The following CD5 variants were observed in gnomAD, a reference collection of about 807,000 sequenced individuals.
CD5 encodes the protein CD5 molecule, also known as T-cell surface glycoprotein CD5.
Under a neutral mutation model 60.3 loss-of-function variants are expected in CD5, and 36 were observed. That is an observed-to-expected ratio of 0.60 (90% confidence interval 0.46 to 0.79). The LOEUF is 0.79. Among genes scored for constraint, CD5 ranks in the 30% least tolerant of loss-of-function variants. CD5 has a pLI of 0.00. For synonymous variants in CD5, 230 were observed against 257.6 expected (o/e 0.89, Z 1.03); for missense variants, 540 against 630.6 (o/e 0.86, Z 1.54).
chr11:61,095,750 A>C, the CD5 span, among the ~76,000 whole-genome samples: 1 of 152,220 alleles, frequency 6.6e-6, no homozygotes, highest in Non-Finnish European at 1.5e-5. Context: ...AAAAGGCTAC[A>C]AATGTAAATA....
chr11:61,118,597 A>C lies in CD5; in HGVS notation c.400+117A>C, dbSNP rs1347524478. 2.9e-6 allele frequency: 3 copies of C among 1,017,004 alleles called. No homozygotes were observed. The highest frequency in any genetic ancestry group is 4.9e-5 in the East Asian group (2 of 40,690). 63.0% of individuals were successfully genotyped at this position (1,017,004 alleles called of 1,614,324 possible). A position where few individuals can be genotyped will look rare whatever the true frequency, so the allele number is the denominator to read the frequency against. ...CTGGTGGAAGGGGTGGGGGGACCCC[A>C]GTTTATAACCACTCCCCAAGACACA... is the stretch of plus-strand genomic sequence containing the variant. On this transcript the variant is annotated intron_variant, in intron 3 of 10. Transcript: ENST00000347785. The surrounding 1 kb of genome is among the most constrained non-coding windows in gnomAD (Gnocchi z 4.7).
chr11:61,106,194 A>G (rs1441503453), intron 1 of CD5, among the ~76,000 whole-genome samples: 1 of 151,908 alleles, frequency 6.6e-6, no homozygotes, highest in Non-Finnish European at 1.5e-5. Context: ...AATGAGGAGA[A>G]CAGCAAGTTC....
At chr11:61,100,975 C>T (rs372277323), upstream of CD5, among the ~76,000 whole-genome samples, 1 of 124,618 alleles carries the variant, frequency 8.0e-6, no homozygotes. Flanking sequence ...AGATCACATT[C>T]ACACACATCA....
intron 1 of CD5, among the ~76,000 whole-genome samples, chr11:61,106,020 G>A (rs911068686): frequency 6.6e-6 from 1 of 151,526 alleles, no homozygotes; most frequent in East Asian, 1.9e-4. Context: ...AGCTACTCAG[G>A]AGGCTGAGGC....
At chr11:61,109,743 G>T (rs1860825847) in intron 1 of CD5, among the ~76,000 whole-genome samples, 2 of 152,152 alleles carry the variant, frequency 1.3e-5, no homozygotes, top group Admixed American at 1.3e-4. Flanking sequence ...AGCTCCAGGG[G>T]TGTGATAAGC....
chr11:61,099,804 G>A (rs1860635274), upstream of CD5, among the ~76,000 whole-genome samples: 2 of 146,182 alleles, frequency 1.4e-5, no homozygotes, highest in Non-Finnish European at 3.0e-5. Context: ...ATCAAATGGG[G>A]ATTACACACA....
At chr11:61,094,544 T>G in the CD5 span, among the ~76,000 whole-genome samples, 2 of 152,170 alleles carry the variant, frequency 1.3e-5, no homozygotes, top group East Asian at 3.9e-4. Flanking sequence ...TTGACTTGTC[T>G]TGGATTGCTT....
At chr11:61,123,812 T>TCCCC in intron 7 of CD5, 72 bp from the exon 8 acceptor site, 1 of 339,966 alleles carries the variant, frequency 2.9e-6, no homozygotes, top group Non-Finnish European at 5.5e-6. Flanking sequence ...CCCAGCCCCA[T>TCCCC]CCCCACCCCT....
rs185950945 is a variant in CD5, at chr11:61,118,502, C to A, written c.400+22C>A. 3.9e-4 allele frequency: 621 copies of A among 1,606,620 alleles called. 8 individuals carry two copies. The African/African-American group carries it at 6.7e-3, about 17-fold the overall frequency. ...TTAGGTGGGTAACTAGCCAGCCACA[C>A]GGGCACCCTGGGCCTGGGCGCCAGC... On this transcript the variant is annotated intron_variant, in intron 3 of 10. Coordinates refer to ENST00000347785, the MANE Select transcript of CD5 (RefSeq NM_014207.4). This position sits in a 1 kb window ranked among gnomAD's most constrained non-coding sequence, Gnocchi z 4.7.
At chr11:61,105,415 G>A (rs76496487) in intron 1 of CD5, among the ~76,000 whole-genome samples, 4,183 of 152,256 alleles carry the variant, frequency 0.027, 128 homozygotes, top group African/African-American at 0.075. Flanking sequence ...TTTCTCATCC[G>A]TAAACTGGGT....
At chr11:61,122,854 C>T in intron 6 of CD5, 53 bp from the exon 7 acceptor site, 1 of 1,539,320 alleles carries the variant, frequency 6.5e-7, no homozygotes, top group East Asian at 2.3e-5. Context: ...TTCCCTCCCA[C>T]AGTTTTTCTC....
chr11:61,121,683 A>AG lies in CD5; in HGVS notation c.883dup (p.Ala295GlyfsTer8). On this transcript the variant is annotated frameshift_variant, in exon 6 of 11. Transcript: ENST00000347785. LOFTEE classifies it high-confidence loss of function. ...TGTGAAGGCACCGTGGAGGTGCGCCAGGGGGCTCAGTGGGCAGCCCTGTGT... is the reference window on the plus strand; with the variant it reads ...TGTGAAGGCACCGTGGAGGTGCGCCAGGGGGGCTCAGTGGGCAGCCCTGTGT... 6.3e-7 allele frequency: 1 copy of AG among 1,593,014 alleles called. No homozygotes were observed.
intron 7 of CD5, 73 bp from the exon 8 acceptor site, chr11:61,123,811 A>AAACC: frequency 1.9e-5 from 5 of 262,106 alleles, no homozygotes; most frequent in Non-Finnish European, 3.6e-5. Flanking sequence ...GCCCAGCCCC[A>AAACC]TCCCCACCCC....
At chr11:61,116,668 A>C (rs1590771396) in intron 2 of CD5, among the ~76,000 whole-genome samples, 2 of 6,096 alleles carry the variant, frequency 3.3e-4, no homozygotes, top group Non-Finnish European at 3.6e-4. Flanking sequence ...CACACACACC[A>C]CACACACACA....
the CD5 span, among the ~76,000 whole-genome samples, chr11:61,095,950 C>T: frequency 1.0e-3 from 159 of 152,256 alleles, no homozygotes; most frequent in African/African-American, 3.6e-3. Flanking sequence ...GCTGGGTTTG[C>T]GGGTATGAAT....
intron 8 of CD5, among the ~76,000 whole-genome samples, chr11:61,124,144 G>A (rs561601385): frequency 1.1e-4 from 17 of 152,194 alleles, no homozygotes; most frequent in African/African-American, 3.9e-4. Flanking sequence ...ATGGCTGAGC[G>A]GTTTCTACCG....
chr11:61,102,649 C>G, intron 1 of CD5, 34 bp downstream of exon 1: 1 of 1,534,184 alleles, frequency 6.5e-7, no homozygotes. Context: ...TGCGAACACC[C>G]GGGCTCGCTC....
In CD5 at chr11:61,121,852, G is replaced by T; in HGVS notation, c.1047G>T (p.Gln349His). ...TCTGTCCCCATCAGAAGCTGTCCCA[G>T]TGCCACGAACTTTGGGAGAGAAATT... ...GLFCPHQKLSQCHELWERNSY... is the reference protein window; with the variant it reads ...GLFCPHQKLSHCHELWERNSY... The change falls in exon 6 of 11, where the codon CAG becomes CAT. Residue 349 changes from glutamine (Q) to histidine (H), a missense_variant. Coordinates refer to ENST00000347785, the MANE Select transcript of CD5 (RefSeq NM_014207.4). The T allele has an allele frequency of 6.3e-7, 1 of 1,576,688 alleles. No homozygotes were observed. The highest frequency in any genetic ancestry group is 1.4e-5 in the African/African-American group (1 of 74,026).
intron 6 of CD5, among the ~76,000 whole-genome samples, chr11:61,122,409 GGATGGATGGAT>G (rs1861078651): frequency 1.3e-5 from 1 of 77,246 alleles, no homozygotes; most frequent in African/African-American, 4.6e-5. Context: ...ATGGATGGAT[GGATGGATGGAT>G]CAGTGGGTGG....
Sources: allele counts gnomAD v4.1 joint callset (sites outside exome capture counted in the v4.1 genomes callset), GRCh38; gene constraint gnomAD v4.1.1; non-coding constraint Gnocchi (gnomAD v3.1); transcripts MANE v1.5; gene names NCBI Gene and HGNC (gene_info 2026-07-23, HGNC 2026-07-21).